Variants in TRAPPC8 observed in about 807,000 individuals in gnomAD.
TRAPPC8 encodes the protein general sporulation gene 1 homolog.
In TRAPPC8, 54 loss-of-function variants were observed where a neutral mutation model predicts 174.3. The observed-to-expected ratio is 0.31, with a 90% CI of 0.25 to 0.39. TRAPPC8 has a LOEUF of 0.39. Ranked by LOEUF, TRAPPC8 falls within the 10% of genes least tolerant of loss-of-function variation. The pLI, the probability that TRAPPC8 is intolerant of heterozygous loss-of-function variation, is 1.00. For missense variants in TRAPPC8, 1,531 were observed against 1,699.1 expected (o/e 0.90, Z 1.74); for synonymous variants, 630 against 579.9 (o/e 1.09, Z -1.24).
chr18:31,845,373 A>G (rs908151728), intron 26 of TRAPPC8, among the ~76,000 whole-genome samples: 2 of 152,002 alleles, frequency 1.3e-5, no homozygotes, highest in Non-Finnish European at 2.9e-5. Context: ...AGTTACATGG[A>G]TGGAATTAAA....
At chr18:31,877,595 A>G (rs1421262271) in intron 12 of TRAPPC8, among the ~76,000 whole-genome samples, 2 of 110,232 alleles carry the variant, frequency 1.8e-5, no homozygotes, top group East Asian at 5.9e-4. Flanking sequence ...CCTGGGCAAC[A>G]GGGAGACTCC....
intron 2 of TRAPPC8, among the ~76,000 whole-genome samples, chr18:31,928,844 C>A (rs1421904704): frequency 6.6e-6 from 1 of 152,072 alleles, no homozygotes; most frequent in Non-Finnish European, 1.5e-5. Flanking sequence ...TAAGATCCTG[C>A]AAAACAGAAT....
At chr18:31,842,083 T>C (rs957099156) in intron 26 of TRAPPC8, among the ~76,000 whole-genome samples, 1 of 152,186 alleles carries the variant, frequency 6.6e-6, no homozygotes, top group Non-Finnish European at 1.5e-5. Context: ...GAGATTCAAA[T>C]ACAAGACTAG....
intron 19 of TRAPPC8, among the ~76,000 whole-genome samples, chr18:31,863,302 T>C (rs1387330012): frequency 1.3e-5 from 2 of 152,212 alleles, no homozygotes; most frequent in African/African-American, 4.8e-5. Context: ...TTGCTGAAGG[T>C]TATTTTGTAG....
At chr18:31,922,331 G>A (rs1462343797) in intron 2 of TRAPPC8, among the ~76,000 whole-genome samples, 3 of 152,188 alleles carry the variant, frequency 2.0e-5, no homozygotes, top group African/African-American at 7.2e-5. Context: ...GGTGGCTCAT[G>A]CCTGTAATCC....
At chr18:31,897,734 TAA>T (rs74954001) in intron 11 of TRAPPC8, 50 bp downstream of exon 11, 52 of 1,184,862 alleles carry the variant, frequency 4.4e-5, no homozygotes, top group South Asian at 2.6e-4. Flanking sequence ...TACATCTTTT[TAA>T]AAAAAAAAGA....
intron 1 of TRAPPC8, among the ~76,000 whole-genome samples, chr18:31,936,897 G>A (rs1284741454): frequency 1.0e-4 from 9 of 88,382 alleles, no homozygotes; most frequent in Non-Finnish European, 6.1e-5. Context: ...GCAAGACTCC[G>A]TCTTTAAAAA....
chr18:31,876,247 T>C (rs1199571018), intron 12 of TRAPPC8, among the ~76,000 whole-genome samples: 2 of 151,872 alleles, frequency 1.3e-5, no homozygotes, highest in Non-Finnish European at 2.9e-5. Context: ...TCCCAGCACT[T>C]TGGAAGGCTG....
At chr18:31,852,877 G>GTATATA in intron 22 of TRAPPC8, 1 of 496,110 alleles carries the variant, frequency 2.0e-6, no homozygotes, top group East Asian at 3.7e-5. Flanking sequence ...GTGTGCACAT[G>GTATATA]TATATATATA....
chr18:31,907,453 T>A lies in TRAPPC8; in HGVS notation c.1389+7A>T. 1 of 1,583,698 alleles carries A rather than the reference T, an allele frequency of 6.3e-7. No homozygotes were observed. The highest frequency in any genetic ancestry group is 8.6e-7 in the Non-Finnish European group (1 of 1,163,958). ...ATTAAGGAATTATAATACCATAGAA[T>A]ACCAACCAAGGCACCAGCTGCATAA... On this transcript the variant is annotated splice_region_variant and intron_variant, in intron 9 of 28. Coordinates refer to ENST00000283351, the MANE Select transcript of TRAPPC8 (RefSeq NM_014939.5).
intron 4 of TRAPPC8, 74 bp from the exon 5 acceptor site, chr18:31,913,596 T>A: frequency 8.7e-7 from 1 of 1,142,870 alleles, no homozygotes; most frequent in Non-Finnish European, 1.2e-6. Flanking sequence ...ACTAAAGTAG[T>A]ACAAAAATAA....
intron 12 of TRAPPC8, chr18:31,883,508 A>G (rs552155518): frequency 6.7e-6 from 1 of 150,334 alleles, no homozygotes; most frequent in Non-Finnish European, 1.5e-5. Context: ...TTCCAAAGAA[A>G]AAGGTCCAAG....
At chr18:31,860,800 C>A (rs183409020) in intron 19 of TRAPPC8, among the ~76,000 whole-genome samples, 3 of 152,178 alleles carry the variant, frequency 2.0e-5, no homozygotes, top group African/African-American at 7.2e-5. Context: ...TGGAACTGAA[C>A]ATCAGTGGCT....
At chr18:31,909,319 A>C (rs2036807412) in intron 6 of TRAPPC8, among the ~76,000 whole-genome samples, 1 of 152,086 alleles carries the variant, frequency 6.6e-6, no homozygotes, top group African/African-American at 2.4e-5. Flanking sequence ...CCGTAAGAAA[A>C]AATATAACAA....
chr18:31,885,164 A>C (rs1243996479), intron 12 of TRAPPC8, among the ~76,000 whole-genome samples: 1 of 152,152 alleles, frequency 6.6e-6, no homozygotes, highest in South Asian at 2.1e-4. Context: ...GCCAAAATTA[A>C]GTTTTTTTAA....
At chr18:31,914,068 T>C (rs932914307) in intron 4 of TRAPPC8, among the ~76,000 whole-genome samples, 16 of 131,706 alleles carry the variant, frequency 1.2e-4, no homozygotes, top group African/African-American at 4.7e-4. Context: ...GAGGCTGAGG[T>C]GGGAAGACTG....
intron 27 of TRAPPC8, among the ~76,000 whole-genome samples, chr18:31,834,598 G>T (rs895567402): frequency 2.6e-5 from 4 of 152,140 alleles, no homozygotes; most frequent in South Asian, 4.2e-4. Context: ...AAACTGCAAA[G>T]AATAATAATT....
At chr18:31,835,811 G>C (rs2032679588) in intron 27 of TRAPPC8, among the ~76,000 whole-genome samples, 1 of 152,142 alleles carries the variant, frequency 6.6e-6, no homozygotes, top group Admixed American at 6.6e-5. Flanking sequence ...AACATCTTTT[G>C]ATGCAAGCAA....
intron 2 of TRAPPC8, among the ~76,000 whole-genome samples, chr18:31,927,821 G>A (rs1290046787): frequency 6.6e-6 from 1 of 152,168 alleles, no homozygotes; most frequent in Non-Finnish European, 1.5e-5. Context: ...CACTTTGAGA[G>A]GTGGCTGCTT....
Sources: allele counts gnomAD v4.1 joint callset (sites outside exome capture counted in the v4.1 genomes callset), GRCh38; gene constraint gnomAD v4.1.1; transcripts MANE v1.5; gene names NCBI Gene and HGNC (gene_info 2026-07-23, HGNC 2026-07-21).